The following MROH1 variants were observed in gnomAD, a reference collection of about 807,000 sequenced individuals.
The protein encoded by MROH1 is maestro heat-like repeat-containing protein family member 1.
MROH1 carries 117 observed loss-of-function variants against 116.5 expected under a neutral mutation model. That is an observed-to-expected ratio of 1.00 (90% CI 0.86 to 1.17). The LOEUF (loss-of-function observed/expected upper bound fraction) is 1.17. MROH1 is among the 50% of genes most tolerant of loss of function. The pLI is 0.00. For synonymous variants in MROH1, 921 were observed against 583.9 expected, an observed-to-expected ratio of 1.58 and a Z score of -8.32; for missense variants, 1,873 against 1,338.5, an observed-to-expected ratio of 1.40 and a Z score of -6.23.
chr8:144,197,417 C>CTTTT (rs79749774), intron 10 of MROH1, among the ~76,000 whole-genome samples: 1,886 of 42,494 alleles, frequency 0.044, 589 homozygotes, highest in African/African-American at 0.071. Context: ...GCTGCAGCAT[C>CTTTT]TTTTTTTTTT....
chr8:144,195,192 CTT>C (rs1010860849), intron 10 of MROH1, among the ~76,000 whole-genome samples: 3 of 1,798 alleles, frequency 1.7e-3, no homozygotes, highest in Non-Finnish European at 3.9e-3. Flanking sequence ...GAGACTGTGT[CTT>C]TAAAAAAAAA....
intron 8 of MROH1, among the ~76,000 whole-genome samples, chr8:144,191,237 T>C (rs1828512340): frequency 6.6e-6 from 1 of 152,074 alleles, no homozygotes. Context: ...TCCCGGCTTA[T>C]TTTTGTATTT....
chr8:144,241,583 G>A, intron 22 of MROH1, 66 bp downstream of exon 22: 1 of 773,898 alleles, frequency 1.3e-6, no homozygotes, highest in South Asian at 1.4e-5. Context: ...CTCAGGGGGT[G>A]CCCTGCGGGC....
intron 12 of MROH1, among the ~76,000 whole-genome samples, chr8:144,218,461 G>A (rs747164367): frequency 1.4e-4 from 22 of 151,912 alleles, no homozygotes; most frequent in African/African-American, 4.8e-4. Flanking sequence ...CGTTGCGTGG[G>A]TGTTGGCCCT....
chr8:144,239,963 C>T, intron 18 of MROH1, 138 bp from the exon 19 acceptor site: 1 of 706,146 alleles, frequency 1.4e-6, no homozygotes. Context: ...CCGCTGGGTG[C>T]TTCCTGGGAG....
Position 144,191,849 on chromosome 8 carries a change from G to C in MROH1, c.849G>C (p.Leu283Phe), listed in dbSNP as rs1828685726. The C allele has an allele frequency of 1.9e-6, 3 of 1,613,360 alleles. No homozygotes were observed. ...AGAAGCACGCAGAGACCTTCTACTT[G>C]TCCAAGGTATCTGCAGGCAGGGCAG... The part of the protein sequence containing the change: ...LYKKHAETFY[L>F]SKSLGQILEA... The change falls in exon 9 of 44, where the codon TTG (leucine) becomes TTC (phenylalanine). Residue 283 changes from leucine (L) to phenylalanine (F), a missense_variant. Transcript: ENST00000326134.
chr8:144,247,500 C>T (rs1179268795), intron 30 of MROH1, 64 bp downstream of exon 30: 41 of 759,912 alleles, frequency 5.4e-5, no homozygotes, highest in Non-Finnish European at 9.3e-5. Context: ...GGATGAGGTG[C>T]GGAGTCCAGG....
chr8:144,150,011 C>T (rs1816339468), intron 1 of MROH1, among the ~76,000 whole-genome samples: 2 of 152,188 alleles, frequency 1.3e-5, no homozygotes, highest in South Asian at 2.1e-4. Context: ...CTGTGACCTC[C>T]CAGTCTCCCT....
intron 35 of MROH1, among the ~76,000 whole-genome samples, chr8:144,258,381 T>C (rs932291632): frequency 5.3e-5 from 8 of 152,140 alleles, no homozygotes; most frequent in Admixed American, 5.2e-4. Context: ...TCTCCTGGGG[T>C]ACAGGTGTGA....
intron 11 of MROH1, among the ~76,000 whole-genome samples, 167 bp from the exon 12 acceptor site, chr8:144,200,261 T>G (rs1830800020): frequency 6.6e-6 from 1 of 152,188 alleles, no homozygotes; most frequent in Non-Finnish European, 1.5e-5. Context: ...CAACCCTGCC[T>G]TAGACAGGGG....
chr8:144,183,665 G>A (rs1826238220), intron 7 of MROH1, among the ~76,000 whole-genome samples: 1 of 148,758 alleles, frequency 6.7e-6, no homozygotes, highest in Non-Finnish European at 1.5e-5. Context: ...CTTTTTTTTT[G>A]AGATGGAGTC....
chr8:144,259,508 AACTC>A (rs1225338741), intron 37 of MROH1, among the ~76,000 whole-genome samples, 154 bp downstream of exon 37: 21 of 152,146 alleles, frequency 1.4e-4, no homozygotes, highest in African/African-American at 3.9e-4. Context: ...CCCATGCCAG[AACTC>A]ACTCAGTCCC....
At position 144,242,405 on chromosome 8, in the gene MROH1, G is replaced by A. The variant is rs1285443196; in HGVS notation, c.2215G>A (p.Ala739Thr). ...SENEVEKVKSALILCYGHVAA... is the reference protein window; with the variant it reads ...SENEVEKVKSTLILCYGHVAA... The stretch of plus-strand genomic sequence containing the variant: ...GAACGAAGTGGAGAAGGTGAAGAGT[G>A]CTCTGATCCTGTGCTATGGGCACGT... The change falls in exon 23 of 44, where the codon GCT becomes ACT. Residue 739 changes from alanine to threonine, a missense_variant. By Grantham distance (58) the Ala-to-Thr change is moderately conservative (BLOSUM62 0). Coordinates refer to ENST00000326134, the MANE Select transcript of MROH1 (RefSeq NM_032450.3). 1.3e-6 allele frequency: 1 copy of A among 780,620 alleles called. No individual in the cohort carries two copies. Among genetic ancestry groups the A allele is most frequent in the Non-Finnish European group, 2.4e-6 (1 of 417,836 alleles). 48.4% of individuals were successfully genotyped at this position (780,620 alleles called of 1,614,324 possible). A position where few individuals can be genotyped will look rare whatever the true frequency, so the allele number is the denominator to read the frequency against.
chr8:144,200,368 C>T (rs1245511785), intron 11 of MROH1, 60 bp from the exon 12 acceptor site: 12 of 1,317,780 alleles, frequency 9.1e-6, no homozygotes, highest in South Asian at 1.4e-5. Context: ...AGTAGGTGGA[C>T]GCTGTGTATA....
chr8:144,240,627 C>G lies in MROH1; in HGVS notation c.1885C>G (p.Leu629Val), dbSNP rs1446113787. 1 of 717,566 alleles carries G rather than the reference C, an allele frequency of 1.4e-6. No homozygotes were observed. Among genetic ancestry groups the G allele is most frequent in the African/African-American group, 1.7e-5 (1 of 57,252 alleles). 44.4% of individuals were successfully genotyped at this position (717,566 alleles called of 1,614,324 possible). ...SDNAWICQLS[L>V]ELCRQLPCYD... is the part of the protein sequence containing the mutation. ...CAACGCGTGGATCTGCCAGCTGAGC[C>G]TGGAGCTGTGCAGGCAGCTGCCCTG... The change falls in exon 20 of 44, where the codon CTG (leucine) becomes GTG (valine). Residue 629 changes from leucine to valine, a missense_variant. Physicochemically the swap from Leu to Val is conservative, Grantham distance 32. Transcript: ENST00000326134.
chr8:144,236,618 C>T (rs1353180010), intron 14 of MROH1, among the ~76,000 whole-genome samples: 1 of 151,908 alleles, frequency 6.6e-6, no homozygotes, highest in South Asian at 2.1e-4. Flanking sequence ...TGGTGGGCGC[C>T]TGTAATCTCA....
rs1051720698 is a variant in MROH1 at position 144,259,949 on chromosome 8, G to C, written c.4083G>C (p.Leu1361Phe). 19 of 743,176 alleles carry C rather than the reference G, an allele frequency of 2.6e-5. No homozygotes were observed. The highest frequency in any genetic ancestry group is 8.6e-5 in the African/African-American group (5 of 58,180). 46.0% of individuals were successfully genotyped at this position (743,176 alleles called of 1,614,324 possible). Reference sequence around the variant, plus strand: ...ACGTGGCCAACGACCTCATGCTCTTGGACTCGCTGCTGGAGAGCCTGGCGG... The same window carrying C: ...ACGTGGCCAACGACCTCATGCTCTTCGACTCGCTGCTGGAGAGCCTGGCGG... ...NSNVANDLML[L>F]DSLLESLAAR... The change falls in exon 38 of 44, where the codon TTG becomes TTC. Residue 1361 changes from leucine (L) to phenylalanine (F), a missense_variant. Transcript: ENST00000326134.
At chr8:144,247,474 G>GC in intron 30 of MROH1, 38 bp downstream of exon 30, 1 of 766,226 alleles carries the variant, frequency 1.3e-6, no homozygotes, top group South Asian at 1.4e-5. Context: ...CAGTGGTCGT[G>GC]CAGGGGTGCT....
At chr8:144,254,506 C>T (rs1270747065) in intron 33 of MROH1, 2 of 328,156 alleles carry the variant, frequency 6.1e-6, no homozygotes, top group African/African-American at 4.3e-5. Context: ...CTGCTTCCTC[C>T]AGGGAAGATT....
Sources: gnomAD v4.1 joint callset for allele counts (sites outside exome capture counted in the v4.1 genomes callset) on GRCh38, gnomAD v4.1.1 for gene constraint, MANE v1.5 for transcripts, NCBI Gene and HGNC (gene_info 2026-07-23, HGNC 2026-07-21) for gene names.